The following INPP5B variants were observed in gnomAD, a reference collection of about 807,000 sequenced individuals.
INPP5B encodes type II inositol 1,4,5-trisphosphate 5-phosphatase.
Under a neutral mutation model 118.5 loss-of-function variants are expected in INPP5B, and 90 were observed. The observed-to-expected ratio is 0.76, with a 90% CI of 0.64 to 0.90. INPP5B has a LOEUF of 0.90. Ranked by LOEUF, INPP5B falls within the 40% of genes least tolerant of loss-of-function variation. INPP5B has a pLI of 0.00. For synonymous variants in INPP5B, 385 were observed against 418.9 expected (o/e 0.92, Z 0.99); for missense variants, 984 against 1,125.6 (o/e 0.87, Z 1.80).
chr1:37,885,383 C>T (rs1643465986), intron 13 of INPP5B: 1 of 329,316 alleles, frequency 3.0e-6, no homozygotes, highest in African/African-American at 2.1e-5. Flanking sequence ...CACTGTACTC[C>T]AGCCTAGGCG....
chr1:37,863,132 C>G (rs528484811), intron 23 of INPP5B, among the ~76,000 whole-genome samples: 354 of 151,488 alleles, frequency 2.3e-3, no homozygotes, highest in Admixed American at 5.1e-3. Context: ...CAAGGGTTGG[C>G]TGTGAGGGCC....
At chr1:37,939,451 G>GTTTTTT (rs372636025) in intron 6 of INPP5B, among the ~76,000 whole-genome samples, 1 of 142,162 alleles carries the variant, frequency 7.0e-6, no homozygotes, top group Non-Finnish European at 1.5e-5. Context: ...TTTTGTTTTT[G>GTTTTTT]TTTTTTTTTT....
intron 6 of INPP5B, among the ~76,000 whole-genome samples, chr1:37,933,902 TA>T (rs1391026828): frequency 2.9e-3 from 40 of 13,972 alleles, no homozygotes; most frequent in African/African-American, 6.1e-3. Flanking sequence ...ATTTTTATTT[TA>T]TTTATTTATT....
chr1:37,896,296 G>C (rs926002035), intron 7 of INPP5B, among the ~76,000 whole-genome samples: 1 of 150,634 alleles, frequency 6.6e-6, no homozygotes, highest in African/African-American at 2.4e-5. Flanking sequence ...CGTCTGAGAA[G>C]TGAGGAGACC....
At chr1:37,931,795 C>A in intron 7 of INPP5B, 118 bp downstream of exon 7, 1 of 1,606,760 alleles carries the variant, frequency 6.2e-7, no homozygotes, top group Non-Finnish European at 8.5e-7. Context: ...CCCGTGTGCC[C>A]GCTCCATCAA....
intron 15 of INPP5B, among the ~76,000 whole-genome samples, chr1:37,879,483 T>C (rs1643061823): frequency 6.6e-6 from 1 of 151,924 alleles, no homozygotes; most frequent in Non-Finnish European, 1.5e-5. Flanking sequence ...AAATAGTACA[T>C]GGCACATGGT....
At chr1:37,927,797 A>G (rs1645294431) in intron 7 of INPP5B, among the ~76,000 whole-genome samples, 1 of 152,082 alleles carries the variant, frequency 6.6e-6, no homozygotes, top group Non-Finnish European at 1.5e-5. Context: ...TTGGCCTCCC[A>G]AAGTGCAGGG....
intron 7 of INPP5B, among the ~76,000 whole-genome samples, chr1:37,895,831 C>T (rs1228727185): frequency 2.0e-5 from 3 of 152,116 alleles, no homozygotes; most frequent in Non-Finnish European, 2.9e-5. Context: ...GGTGCCCAGG[C>T]TGGAGTGCAG....
At chr1:37,940,059 CAA>C (rs1296759260) in intron 6 of INPP5B, among the ~76,000 whole-genome samples, 2 of 152,008 alleles carry the variant, frequency 1.3e-5, no homozygotes, top group African/African-American at 2.4e-5. Context: ...GCCACAAAGA[CAA>C]GAGATAGCTT....
intron 7 of INPP5B, chr1:37,931,295 G>A (rs1645447462): frequency 5.3e-6 from 3 of 563,928 alleles, no homozygotes; most frequent in East Asian, 4.9e-5. Flanking sequence ...CGTAGGCAGG[G>A]CACCACTCCC....
intron 7 of INPP5B, among the ~76,000 whole-genome samples, chr1:37,902,871 C>G (rs1644380807): frequency 6.6e-6 from 1 of 151,964 alleles, no homozygotes; most frequent in South Asian, 2.1e-4. Flanking sequence ...GTAGTCCCAG[C>G]TACTCAGGAG....
At chr1:37,939,318 C>T (rs1008468365) in intron 6 of INPP5B, among the ~76,000 whole-genome samples, 50 of 151,624 alleles carry the variant, frequency 3.3e-4, no homozygotes, top group African/African-American at 1.0e-3. Flanking sequence ...GAGCCGAGAT[C>T]GCGCCACTGC....
At chr1:37,922,868 A>T (rs1645104950) in intron 7 of INPP5B, among the ~76,000 whole-genome samples, 1 of 152,228 alleles carries the variant, frequency 6.6e-6, no homozygotes, top group Non-Finnish European at 1.5e-5. Flanking sequence ...AAGGAGGAAG[A>T]CTACAGTGCA....
intron 7 of INPP5B, chr1:37,929,160 C>T (rs1645353185): frequency 6.6e-6 from 1 of 151,736 alleles, no homozygotes; most frequent in African/African-American, 2.4e-5. Context: ...CGCTCTGTCT[C>T]CCAGGCTGGA....
At chr1:37,941,974 T>TATATATATAA (rs1390505203) in intron 5 of INPP5B, 1 of 80,926 alleles carries the variant, frequency 1.2e-5, no homozygotes, top group African/African-American at 4.7e-5. Flanking sequence ...TATATATATA[T>TATATATATAA]AAAATAAAAT....
intron 7 of INPP5B, among the ~76,000 whole-genome samples, chr1:37,919,424 G>T (rs973387537): frequency 6.6e-6 from 1 of 152,138 alleles, no homozygotes; most frequent in East Asian, 1.9e-4. Context: ...CAAACTGACC[G>T]GATTAAGTGA....
At chr1:37,902,938 G>A (rs1644382497) in intron 7 of INPP5B, among the ~76,000 whole-genome samples, 1 of 151,398 alleles carries the variant, frequency 6.6e-6, no homozygotes, top group Non-Finnish European at 1.5e-5. Flanking sequence ...AGCCATGATT[G>A]TATCACTGCA....
chr1:37,914,613 G>A (rs12733578), intron 7 of INPP5B, among the ~76,000 whole-genome samples: 90,125 of 151,912 alleles, frequency 0.59, 28,496 homozygotes, highest in Non-Finnish European at 0.71. Flanking sequence ...CCACCTTCAC[G>A]TGATGAACTA....
chr1:37,902,824 T>C (rs528202843), intron 7 of INPP5B, among the ~76,000 whole-genome samples: 3 of 152,002 alleles, frequency 2.0e-5, no homozygotes, highest in South Asian at 2.1e-4. Context: ...TCCCAAAATA[T>C]ATTTTTTCAA....
Sources: gnomAD v4.1 joint callset for allele counts (sites outside exome capture counted in the v4.1 genomes callset) on GRCh38, gnomAD v4.1.1 for gene constraint, MANE v1.5 for transcripts, NCBI Gene and HGNC (gene_info 2026-07-23, HGNC 2026-07-21) for gene names.